The following SNX29 variants were observed in gnomAD, a reference collection of about 807,000 sequenced individuals.
The protein encoded by SNX29 is sorting nexin-29.
SNX29 carries 78 observed loss-of-function variants against 102.1 expected under a neutral mutation model. The ratio of observed to expected loss-of-function variants is 0.76; its 90% CI spans 0.64 to 0.92. The LOEUF (loss-of-function observed/expected upper bound fraction) is 0.92, where lower values mean the gene tolerates loss of function less well. Ranked by LOEUF, SNX29 falls within the 40% of genes least tolerant of loss-of-function variation. The probability of loss-of-function intolerance (pLI) is 0.00; values close to 1 mark genes in which losing one functional copy is unlikely to be tolerated. For missense variants in SNX29, 1,280 were observed against 1,061.7 expected (o/e 1.21, Z -2.86); for synonymous variants, 580 against 414.5 (o/e 1.40, Z -4.85).
rs78175785 is a variant in SNX29, at chr16:12,573,375, G to T, written c.*4746G>T. The T allele has an allele frequency of 2.7e-5, 6 of 224,054 alleles. No individual in the cohort carries two copies. Among genetic ancestry groups the T allele is most frequent in the African/African-American group, 4.5e-5 (2 of 44,792 alleles). The allele number at this position is 224,054 out of a possible 1,614,324, so 13.9% of individuals were successfully genotyped here. On this transcript the variant is annotated 3_prime_UTR_variant, in exon 21 of 21. Coordinates refer to ENST00000566228, the MANE Select transcript of SNX29 (RefSeq NM_032167.5). ...TTCTAAATCCCAGCAACCAAGTTGC[G>T]TATCCTTCCTTATAGCTAGTTTCTA...
intron 6 of SNX29, among the ~76,000 whole-genome samples, chr16:12,047,900 A>G (rs7192463): frequency 0.4 from 61,081 of 151,708 alleles, 12,902 homozygotes; most frequent in Middle Eastern, 0.52. Flanking sequence ...CAGGTGATCC[A>G]CCTGTCTCAG....
At chr16:12,196,640 G>C (rs1453701892) in intron 13 of SNX29, among the ~76,000 whole-genome samples, 2 of 92,770 alleles carry the variant, frequency 2.2e-5, no homozygotes, top group African/African-American at 7.0e-5. Context: ...TTTTTTTTTG[G>C]AGACGGAGTC....
chr16:12,545,390 T>C (rs531562623), intron 20 of SNX29: 2 of 152,322 alleles, frequency 1.3e-5, no homozygotes, highest in South Asian at 2.1e-4. Context: ...ATAGGTGTAT[T>C]GTCCGCTTCC....
At chr16:12,533,566 T>C (rs1386765884) in intron 20 of SNX29, among the ~76,000 whole-genome samples, 1 of 152,196 alleles carries the variant, frequency 6.6e-6, no homozygotes, top group Non-Finnish European at 1.5e-5. Context: ...CTTAGCCTCG[T>C]CATTATCAAC....
intron 13 of SNX29, among the ~76,000 whole-genome samples, chr16:12,146,048 AGT>A (rs2141545827): frequency 6.6e-6 from 1 of 152,334 alleles, no homozygotes; most frequent in East Asian, 1.9e-4. Context: ...TACAGCGGTG[AGT>A]GAGAGAGCCT....
chr16:12,319,758 G>T (rs2080868819), intron 15 of SNX29, among the ~76,000 whole-genome samples: 1 of 152,144 alleles, frequency 6.6e-6, no homozygotes, highest in African/African-American at 2.4e-5. Flanking sequence ...GCTCAGCCCA[G>T]ATCCACACCA....
chr16:12,232,898 G>C (rs550394971), intron 14 of SNX29, among the ~76,000 whole-genome samples: 1 of 152,192 alleles, frequency 6.6e-6, no homozygotes. Flanking sequence ...CCCAGCATGG[G>C]CTTGGAGGGG....
chr16:12,186,554 T>G (rs1596460886), intron 13 of SNX29, among the ~76,000 whole-genome samples: 2 of 152,222 alleles, frequency 1.3e-5, no homozygotes, highest in Non-Finnish European at 2.9e-5. Context: ...ACGTGATATT[T>G]AGGCTATATT....
intron 13 of SNX29, among the ~76,000 whole-genome samples, chr16:12,179,748 G>A (rs966837295): frequency 2.6e-5 from 4 of 152,180 alleles, no homozygotes; most frequent in African/African-American, 9.7e-5. Flanking sequence ...GTTGTTACAC[G>A]TTGTTACTAG....
At chr16:11,995,863 C>A (rs928724759) in intron 1 of SNX29, among the ~76,000 whole-genome samples, 1 of 151,926 alleles carries the variant, frequency 6.6e-6, no homozygotes, top group Non-Finnish European at 1.5e-5. Context: ...AGTTTAAGAC[C>A]AGCCTGGCCA....
intron 20 of SNX29, 89 bp from the exon 21 acceptor site, chr16:12,568,417 C>T (rs374924593): frequency 1.3e-6 from 2 of 1,553,208 alleles, no homozygotes; most frequent in Non-Finnish European, 1.7e-6. Flanking sequence ...TCAGATCCCT[C>T]CTGCCCTCAC....
rs751717863 is a variant in SNX29 at position 12,434,090 on chromosome 16, T to G, written c.2037+30561T>G. ...TGATGGGCAAGTTTACTGGGTGGTG[T>G]TTATTTCATGCCATTTGACATGCTG... On this transcript the variant is annotated intron_variant, in intron 18 of 20. Transcript: ENST00000566228. Among the ~76,000 whole-genome samples, 7 of 152,196 alleles carry G rather than the reference T, an allele frequency of 4.6e-5. No individual in the cohort carries two copies. In the East Asian group the frequency reaches 1.2e-3, roughly 25 times the overall value.
chr16:12,132,025 T>A (rs1413432257), intron 13 of SNX29, among the ~76,000 whole-genome samples: 1 of 152,194 alleles, frequency 6.6e-6, no homozygotes, highest in Non-Finnish European at 1.5e-5. Context: ...TTGCATTTAA[T>A]GTTCACAATA....
chr16:12,218,955 TA>T (rs1459795505), intron 14 of SNX29, among the ~76,000 whole-genome samples: 2 of 152,138 alleles, frequency 1.3e-5, no homozygotes, highest in Non-Finnish European at 2.9e-5. Flanking sequence ...TTTGTATTTT[TA>T]GTAGAGACGG....
At chr16:12,326,589 T>G (rs188421976) in intron 15 of SNX29, among the ~76,000 whole-genome samples, 50 of 152,198 alleles carry the variant, frequency 3.3e-4, no homozygotes, top group Admixed American at 2.5e-3. Flanking sequence ...CAAGAAAACT[T>G]TATGTGCAAA....
At chr16:12,311,083 AT>A (rs1197920304) in intron 15 of SNX29, among the ~76,000 whole-genome samples, 1 of 152,260 alleles carries the variant, frequency 6.6e-6, no homozygotes, top group Non-Finnish European at 1.5e-5. Flanking sequence ...AAAGAAAGTT[AT>A]AAGTGAGGGC....
chr16:12,562,199 G>A (rs933849003), intron 20 of SNX29, among the ~76,000 whole-genome samples: 1 of 152,172 alleles, frequency 6.6e-6, no homozygotes, highest in African/African-American at 2.4e-5. Context: ...GTTCACAGAG[G>A]AGTGAACCCT....
chr16:12,342,217 T>G (rs1362722648), intron 15 of SNX29, among the ~76,000 whole-genome samples: 1 of 152,180 alleles, frequency 6.6e-6, no homozygotes, highest in Non-Finnish European at 1.5e-5. Flanking sequence ...AGAAAAAGTT[T>G]TATTGCCTGT....
At chr16:12,248,426 C>A (rs2078325287) in intron 14 of SNX29, among the ~76,000 whole-genome samples, 1 of 150,450 alleles carries the variant, frequency 6.6e-6, no homozygotes, top group African/African-American at 2.4e-5. Context: ...GAGACAGTCT[C>A]ACTCTATCAC....
Sources: gnomAD v4.1 joint callset for allele counts (sites outside exome capture counted in the v4.1 genomes callset) on GRCh38, gnomAD v4.1.1 for gene constraint, MANE v1.5 for transcripts, NCBI Gene and HGNC (gene_info 2026-07-23, HGNC 2026-07-21) for gene names.